The following CALN1 variants were observed in gnomAD, a reference collection of about 807,000 sequenced individuals.
The protein encoded by CALN1 is calneuron 1, also known as calcium-binding protein 8.
CALN1 carries 17 observed loss-of-function variants against 30.6 expected under a neutral mutation model. The ratio of observed to expected loss-of-function variants is 0.56; its 90% CI spans 0.38 to 0.83. The LOEUF (loss-of-function observed/expected upper bound fraction) is 0.83, where lower values mean the gene tolerates loss of function less well. CALN1 is among the 40% of genes least tolerant of loss of function. CALN1 has a pLI of 0.00. For missense variants in CALN1, 291 were observed against 354.9 expected (o/e 0.82, Z 1.45); for synonymous variants, 156 against 131.4 (o/e 1.19, Z -1.28).
chr7:72,338,488 T>A (rs1485138153), intron 2 of CALN1, among the ~76,000 whole-genome samples: 42 of 134,310 alleles, frequency 3.1e-4, no homozygotes, highest in South Asian at 1.2e-3. Context: ...TGTGTGTGTG[T>A]GTGTGTGTGT....
intron 2 of CALN1, among the ~76,000 whole-genome samples, chr7:72,284,181 G>A (rs1797917929): frequency 6.6e-6 from 1 of 152,142 alleles, no homozygotes; most frequent in Admixed American, 6.5e-5. Flanking sequence ...TGTAGTCCCT[G>A]CTACTCAGGA....
chr7:71,810,594 T>G (rs1787890831), intron 5 of CALN1, 102 bp from the exon 6 acceptor site: 4 of 1,179,408 alleles, frequency 3.4e-6, no homozygotes, highest in Non-Finnish European at 4.8e-6. Context: ...CAGAAACTTG[T>G]CTCAGCGTTT....
chr7:71,812,557 C>T (rs1365618117), intron 5 of CALN1, among the ~76,000 whole-genome samples: 1 of 152,100 alleles, frequency 6.6e-6, no homozygotes, highest in Non-Finnish European at 1.5e-5. Context: ...AAATTAGCTG[C>T]ATCTAACAGA....
At chr7:72,426,069 G>A (rs960783551) in intron 1 of CALN1, among the ~76,000 whole-genome samples, 2 of 152,204 alleles carry the variant, frequency 1.3e-5, no homozygotes, top group African/African-American at 4.8e-5. Context: ...GCTTAGGCCA[G>A]GAAACCAGGA....
At chr7:72,326,774 T>C (rs1214554935) in intron 2 of CALN1, among the ~76,000 whole-genome samples, 2 of 152,116 alleles carry the variant, frequency 1.3e-5, no homozygotes, top group Non-Finnish European at 2.9e-5. Context: ...CGGTTTCCAA[T>C]AACAAGGAGC....
At chr7:72,231,711 C>G (rs557052093) in intron 3 of CALN1, among the ~76,000 whole-genome samples, 1 of 152,190 alleles carries the variant, frequency 6.6e-6, no homozygotes, top group East Asian at 1.9e-4. Context: ...AAAAGATGTA[C>G]TAGGTACAGA....
chr7:72,163,096 A>C (rs1256310773), intron 3 of CALN1, among the ~76,000 whole-genome samples: 1 of 152,184 alleles, frequency 6.6e-6, no homozygotes, highest in East Asian at 1.9e-4. Context: ...TTTGGGGTTC[A>C]AATCTTGTCA....
chr7:72,052,134 G>T (rs946475847), intron 4 of CALN1, among the ~76,000 whole-genome samples: 1 of 152,122 alleles, frequency 6.6e-6, no homozygotes, highest in African/African-American at 2.4e-5. Context: ...AAAAAGAAAT[G>T]ACTCCATCGT....
chr7:71,945,683 C>A (rs373780220), intron 5 of CALN1, among the ~76,000 whole-genome samples: 1 of 152,218 alleles, frequency 6.6e-6, no homozygotes, highest in Non-Finnish European at 1.5e-5. Flanking sequence ...TGATCTGTCA[C>A]TGTCTCCCAT....
chr7:72,025,150 A>C (rs1485092033), intron 4 of CALN1, among the ~76,000 whole-genome samples: 1 of 152,036 alleles, frequency 6.6e-6, no homozygotes, highest in Non-Finnish European at 1.5e-5. Context: ...GTCTCTACTA[A>C]AAGTACAAAA....
intron 3 of CALN1, among the ~76,000 whole-genome samples, chr7:72,131,034 A>AC (rs1809107267): frequency 6.6e-6 from 1 of 152,218 alleles, no homozygotes; most frequent in African/African-American, 2.4e-5. Context: ...CTCTTGGTGT[A>AC]CTAAGCACCC....
intron 5 of CALN1, among the ~76,000 whole-genome samples, chr7:72,008,659 T>A (rs1446317708): frequency 7.8e-6 from 1 of 128,936 alleles, no homozygotes; most frequent in Non-Finnish European, 1.5e-5. Context: ...GACTTTCAAT[T>A]TTTTTTTTTT....
At chr7:72,350,316 A>C (rs1802856540) in intron 2 of CALN1, among the ~76,000 whole-genome samples, 1 of 152,188 alleles carries the variant, frequency 6.6e-6, no homozygotes, top group African/African-American at 2.4e-5. Context: ...TTCTACCATA[A>C]AGTCCTTTGC....
chr7:72,138,444 G>A (rs1474963747), intron 3 of CALN1, among the ~76,000 whole-genome samples: 1 of 152,204 alleles, frequency 6.6e-6, no homozygotes, highest in African/African-American at 2.4e-5. Flanking sequence ...AAGCCTCAGA[G>A]TAGAAATCTT....
chr7:72,385,878 TGA>T (rs1254826466), intron 2 of CALN1, among the ~76,000 whole-genome samples: 1 of 152,226 alleles, frequency 6.6e-6, no homozygotes, highest in Non-Finnish European at 1.5e-5. Flanking sequence ...TGCAAAACTG[TGA>T]GTCAATTTAA....
intron 3 of CALN1, among the ~76,000 whole-genome samples, chr7:72,196,986 A>G (rs1791058238): frequency 6.6e-6 from 1 of 152,128 alleles, no homozygotes; most frequent in South Asian, 2.1e-4. Flanking sequence ...GATAGTCTGA[A>G]AAACTCTCTA....
intron 2 of CALN1, among the ~76,000 whole-genome samples, chr7:72,285,027 T>C (rs753432667): frequency 9.6e-4 from 146 of 152,168 alleles, no homozygotes; most frequent in Non-Finnish European, 1.9e-3. Context: ...GCAGGGCTTC[T>C]AAAGCAGTGC....
chr7:71,935,092 A>G (rs182138974), intron 5 of CALN1, among the ~76,000 whole-genome samples: 1 of 152,220 alleles, frequency 6.6e-6, no homozygotes, highest in Admixed American at 6.5e-5. Flanking sequence ...TCCATATGAG[A>G]TTTGGAGGGG....
At chr7:72,271,575 A>AT (rs1554345806) in intron 3 of CALN1, among the ~76,000 whole-genome samples, 552 of 52,156 alleles carry the variant, frequency 0.011, 33 homozygotes, top group Middle Eastern at 0.037. Flanking sequence ...AAAAAAAAAA[A>AT]ATATATATAT....
Sources: allele counts gnomAD v4.1 joint callset (sites outside exome capture counted in the v4.1 genomes callset), GRCh38; gene constraint gnomAD v4.1.1; transcripts MANE v1.5; gene names NCBI Gene and HGNC (gene_info 2026-07-23, HGNC 2026-07-21).